MKNK1: variants seen among roughly 807,000 people sequenced by gnomAD.
The protein encoded by MKNK1 is MAP kinase-interacting serine/threonine-protein kinase 1.
In MKNK1, 30 loss-of-function variants were observed where a neutral mutation model predicts 49.3. The ratio of observed to expected loss-of-function variants is 0.61; its 90% CI spans 0.46 to 0.83. The LOEUF (loss-of-function observed/expected upper bound fraction) is 0.83, where lower values mean the gene tolerates loss of function less well. Ranked by LOEUF, MKNK1 falls within the 40% of genes least tolerant of loss-of-function variation. MKNK1 has a pLI of 0.00. For missense variants in MKNK1, 423 were observed against 524.7 expected, an observed-to-expected ratio of 0.81 and a Z score of 1.89; for synonymous variants, 176 against 201.7, an observed-to-expected ratio of 0.87 and a Z score of 1.08.
intron 7 of MKNK1, chr1:46,569,857 T>A (rs1669784081): frequency 6.6e-6 from 1 of 151,908 alleles, no homozygotes; most frequent in African/African-American, 2.4e-5. Context: ...GGAGCCTTAC[T>A]CTCCAAATAG....
At chr1:46,563,654 T>C (rs1668442958) in intron 9 of MKNK1, 1 of 152,226 alleles carries the variant, frequency 6.6e-6, no homozygotes, top group Non-Finnish European at 1.5e-5. Flanking sequence ...GGTAGTCCAG[T>C]GTGTTAGAAG....
chr1:46,581,418 G>A (rs1010891088), intron 3 of MKNK1, among the ~76,000 whole-genome samples: 13 of 150,164 alleles, frequency 8.7e-5, no homozygotes, highest in Non-Finnish European at 1.5e-4. Flanking sequence ...GCTGAGGCAG[G>A]AGAATCGCTT....
At chr1:46,585,245 G>A (rs559407714) in intron 2 of MKNK1, among the ~76,000 whole-genome samples, 705 of 35,990 alleles carry the variant, frequency 0.02, 22 homozygotes, top group African/African-American at 0.06. Context: ...GCAAGATTCC[G>A]TCTCAAAAAA....
chr1:46,558,377 C>T lies in MKNK1; in HGVS notation c.*198G>A. The T allele has an allele frequency of 3.6e-6, 2 of 556,190 alleles. No individual in the cohort carries two copies. The highest frequency in any genetic ancestry group is 1.9e-5 in the African/African-American group (1 of 52,748). The allele number at this position is 556,190 out of a possible 1,614,324, so 34.5% of individuals were successfully genotyped here. On this transcript the variant is annotated 3_prime_UTR_variant, in exon 13 of 13. Transcript: ENST00000371945. Reference sequence around the variant, plus strand: ...GATTGCTTTCCTTTTCAAAGACAACCCCTTTGGAAAAAGCTTTTTCCTCCA... The same window carrying T: ...GATTGCTTTCCTTTTCAAAGACAACTCCTTTGGAAAAAGCTTTTTCCTCCA...
chr1:46,581,218 A>C (rs1272078296), intron 3 of MKNK1, among the ~76,000 whole-genome samples: 1 of 151,906 alleles, frequency 6.6e-6, no homozygotes, highest in East Asian at 1.9e-4. Context: ...AAAGGGTTAA[A>C]TCTGTTCAGA....
intron 12 of MKNK1, 97 bp from the exon 13 acceptor site, chr1:46,558,897 C>T: frequency 9.7e-7 from 1 of 1,026,776 alleles, no homozygotes; most frequent in South Asian, 1.5e-5. Context: ...TGGCTCTACG[C>T]TCCCACCAGA....
In MKNK1 at chr1:46,598,180, C is replaced by A. The variant is rs17102321; in HGVS notation, c.-170-3900G>T. Among the ~76,000 whole-genome samples, 1,697 of 152,290 alleles carry A rather than the reference C, an allele frequency of 0.011. 41 individuals are homozygous for A. In the East Asian group the frequency reaches 0.13, roughly 11 times the overall value. On this transcript the variant is annotated intron_variant, in intron 1 of 12. Transcript: ENST00000371945. Reference sequence around the variant, plus strand: ...CAGAAAGAAGAACCAAATTAGGCACCACTTTTCCAGAGATACTGTTATTGT... The same window carrying A: ...CAGAAAGAAGAACCAAATTAGGCACAACTTTTCCAGAGATACTGTTATTGT...
At chr1:46,600,596 C>T (rs945824923) in intron 1 of MKNK1, among the ~76,000 whole-genome samples, 3 of 152,232 alleles carry the variant, frequency 2.0e-5, no homozygotes, top group South Asian at 2.1e-4. Flanking sequence ...TATAAGGAGA[C>T]ATTGCTGGGA....
In MKNK1 at chr1:46,565,020, G is replaced by A. The variant is rs745689317; in HGVS notation, c.609+21C>T. ...AGGGAAACACTCCAAATACTTAGGA[G>A]CCCAGAGGAAGCATACGTACTGGGG... On this transcript the variant is annotated intron_variant, in intron 9 of 12. Coordinates refer to ENST00000371945, the MANE Select transcript of MKNK1 (RefSeq NM_001135553.4). 3.7e-6 allele frequency: 6 copies of A among 1,604,048 alleles called. No individual in the cohort carries two copies. The South Asian group carries it at 6.6e-5, about 18-fold the overall frequency.
chr1:46,579,696 G>C (rs1671470920), intron 4 of MKNK1, among the ~76,000 whole-genome samples: 1 of 152,060 alleles, frequency 6.6e-6, no homozygotes, highest in African/African-American at 2.4e-5. Flanking sequence ...GCTGGTCCAG[G>C]GCACACATTT....
chr1:46,564,466 G>GTTTTTTTTTTTTTTTTTT lies in MKNK1; in HGVS notation c.609+557_609+574dup, dbSNP rs568296534. On this transcript the variant is annotated intron_variant, in intron 9 of 12. Transcript: ENST00000371945. The stretch of plus-strand genomic sequence containing the variant: ...GGGCTCAGCCTGTGTTTTTTTTATT[G>GTTTTTTTTTTTTTTTTTT]TTTTTTTTTTTTTTTTTTTTTTTTT... Among the ~76,000 whole-genome samples the GTTTTTTTTTTTTTTTTTT allele has an allele frequency of 1.2e-3, 83 of 70,160 alleles. 17 individuals are homozygous for GTTTTTTTTTTTTTTTTTT. The highest frequency in any genetic ancestry group is 3.9e-3 in the African/African-American group (57 of 14,664). 46.0% of individuals were successfully genotyped at this position (70,160 alleles called of 152,430 possible).
intron 7 of MKNK1, chr1:46,568,720 G>A: frequency 1.8e-6 from 1 of 554,374 alleles, no homozygotes; most frequent in Non-Finnish European, 3.2e-6. Context: ...TAGAAGTCTG[G>A]CAGGGATAAG....
At chr1:46,568,565 T>C in intron 7 of MKNK1, 67 bp from the exon 8 acceptor site, 1 of 1,469,668 alleles carries the variant, frequency 6.8e-7, no homozygotes, top group Non-Finnish European at 9.5e-7. Context: ...CCACACACAA[T>C]TAATTTTTTC....
chr1:46,568,740 A>G (rs1570104372), intron 7 of MKNK1: 3 of 512,608 alleles, frequency 5.9e-6, no homozygotes, highest in Admixed American at 6.5e-5. Context: ...GAAGGGCTAA[A>G]TGAATCCCAG....
At chr1:46,576,493 G>T in intron 5 of MKNK1, 82 bp downstream of exon 5, 1 of 1,160,960 alleles carries the variant, frequency 8.6e-7, no homozygotes, top group Non-Finnish European at 1.3e-6. Flanking sequence ...AAATGCTGGA[G>T]TCAGGAGATG....
chr1:46,585,981 AG>A (rs759892511), intron 2 of MKNK1: 3 of 1,316,556 alleles, frequency 2.3e-6, no homozygotes, highest in Non-Finnish European at 3.1e-6. Context: ...GAAACTAGGA[AG>A]GAAAAAATGT....
chr1:46,602,003 G>A lies in MKNK1; in HGVS notation c.-171+2182C>T, dbSNP rs1333671176. 2.0e-5 allele frequency among the ~76,000 whole-genome samples: 3 copies of A among 152,204 alleles called. No individual in the cohort carries two copies. The East Asian group carries it at 5.8e-4, about 29-fold the overall frequency. On this transcript the variant is annotated intron_variant, in intron 1 of 12. Coordinates refer to ENST00000371945, the MANE Select transcript of MKNK1 (RefSeq NM_001135553.4). ...GAAGGCTCAGAAAAGCTTCACCATG[G>A]AGGCCACATGAGATGTAAGAGATGT...
intron 7 of MKNK1, among the ~76,000 whole-genome samples, chr1:46,570,692 C>T (rs1262293018): frequency 2.6e-5 from 4 of 152,244 alleles, no homozygotes; most frequent in African/African-American, 9.6e-5. Flanking sequence ...ATTCATTTCA[C>T]TCCCACCCCC....
At chr1:46,563,153 C>G (rs975530766) in intron 9 of MKNK1, 3 of 315,656 alleles carry the variant, frequency 9.5e-6, no homozygotes, top group African/African-American at 2.2e-5. Flanking sequence ...TTCCTATAAA[C>G]AGATATTTCA....
Sources: gnomAD v4.1 joint callset for allele counts (sites outside exome capture counted in the v4.1 genomes callset) on GRCh38, gnomAD v4.1.1 for gene constraint, MANE v1.5 for transcripts, NCBI Gene and HGNC (gene_info 2026-07-23, HGNC 2026-07-21) for gene names.